BLK: variants seen among roughly 807,000 people sequenced by gnomAD.
BLK encodes BLK proto-oncogene, Src family tyrosine kinase.
In BLK, 64 loss-of-function variants were observed where a neutral mutation model predicts 61.8. The ratio of observed to expected loss-of-function variants is 1.03; its 90% CI spans 0.85 to 1.27. The LOEUF (loss-of-function observed/expected upper bound fraction) is 1.27. Ranked by LOEUF, BLK falls within the 50% of genes most tolerant of loss-of-function variation. BLK has a pLI of 0.00. For synonymous variants in BLK, 351 were observed against 272.0 expected, an observed-to-expected ratio of 1.29 and a Z score of -2.86; for missense variants, 853 against 660.5, an observed-to-expected ratio of 1.29 and a Z score of -3.19.
At chr8:11,561,565 T>C (rs1345135692) in intron 11 of BLK, 113 bp downstream of exon 11, 3 of 1,341,066 alleles carry the variant, frequency 2.2e-6, no homozygotes, top group African/African-American at 1.4e-5. Context: ...CTGAGGGCTA[T>C]ACGGTTTCTA....
At chr8:11,529,360 G>A (rs1036634757) in intron 1 of BLK, among the ~76,000 whole-genome samples, 8 of 152,148 alleles carry the variant, frequency 5.3e-5, no homozygotes, top group East Asian at 3.9e-4. Flanking sequence ...CCAGTGAGTC[G>A]AGAGTGCTGA....
chr8:11,512,031 A>G (rs1563427546), intron 1 of BLK, among the ~76,000 whole-genome samples: 1 of 152,248 alleles, frequency 6.6e-6, no homozygotes, highest in Admixed American at 6.5e-5. Flanking sequence ...CTGCATGTCT[A>G]CAATGTATCA....
At chr8:11,547,478 G>C (rs1019395595) in intron 3 of BLK, among the ~76,000 whole-genome samples, 1 of 152,214 alleles carries the variant, frequency 6.6e-6, no homozygotes, top group African/African-American at 2.4e-5. Flanking sequence ...CTTCCATCCA[G>C]GGCCCGCCAG....
At chr8:11,523,451 G>A (rs547729231) in intron 1 of BLK, among the ~76,000 whole-genome samples, 1 of 152,170 alleles carries the variant, frequency 6.6e-6, no homozygotes, top group African/African-American at 2.4e-5. Flanking sequence ...TACTAGGGAG[G>A]CTGAGGCAGG....
chr8:11,525,701 CAT>C (rs1299365123), intron 1 of BLK, among the ~76,000 whole-genome samples: 1 of 152,186 alleles, frequency 6.6e-6, no homozygotes, highest in African/African-American at 2.4e-5. Flanking sequence ...TGCCACCACT[CAT>C]GTGCCCTCCT....
At chr8:11,550,117 G>A (rs1263079167) in intron 5 of BLK, 42 bp from the exon 6 acceptor site, 2 of 1,551,672 alleles carry the variant, frequency 1.3e-6, no homozygotes, top group South Asian at 1.1e-5. Context: ...ACTCCGAGGA[G>A]CAGGGTCGCT....
intron 1 of BLK, among the ~76,000 whole-genome samples, chr8:11,540,920 G>T (rs567795770): frequency 6.6e-6 from 1 of 151,492 alleles, no homozygotes; most frequent in Non-Finnish European, 1.5e-5. Flanking sequence ...TAATGCTAAT[G>T]CCTCATAGAC....
At chr8:11,524,250 A>C (rs941898138) in intron 1 of BLK, among the ~76,000 whole-genome samples, 1 of 152,200 alleles carries the variant, frequency 6.6e-6, no homozygotes, top group Non-Finnish European at 1.5e-5. Flanking sequence ...CAATATAAAC[A>C]GTTTGGCCCA....
chr8:11,545,126 G>T (rs1800569382), intron 2 of BLK, among the ~76,000 whole-genome samples: 1 of 152,220 alleles, frequency 6.6e-6, no homozygotes. Flanking sequence ...CTGGGGTTGT[G>T]GCTCCGTGTT....
chr8:11,508,571 A>C (rs1251095933), intron 1 of BLK, among the ~76,000 whole-genome samples: 1 of 152,142 alleles, frequency 6.6e-6, no homozygotes, highest in African/African-American at 2.4e-5. Context: ...TCCACTTCTG[A>C]CCACCCTATA....
At chr8:11,495,484 C>T (rs1485910411) in intron 1 of BLK, among the ~76,000 whole-genome samples, 3 of 152,188 alleles carry the variant, frequency 2.0e-5, no homozygotes, top group East Asian at 3.8e-4. Context: ...CCAAGCTTAG[C>T]ATCACCGGGA....
chr8:11,518,443 A>G (rs1252507052), intron 1 of BLK, among the ~76,000 whole-genome samples: 1 of 152,170 alleles, frequency 6.6e-6, no homozygotes. Context: ...GGGGGGCAGA[A>G]GATTTTAATC....
chr8:11,521,107 T>A (rs775395749), intron 1 of BLK, among the ~76,000 whole-genome samples: 8 of 152,134 alleles, frequency 5.3e-5, no homozygotes, highest in Admixed American at 3.3e-4. Flanking sequence ...AGTCCAGAAA[T>A]AGGCCCATGA....
At position 11,494,412 on chromosome 8, in the gene BLK, C is replaced by G. The variant is rs1040860083; in HGVS notation, c.-181C>G. On this transcript the variant is annotated 5_prime_UTR_variant, in exon 1 of 13. Coordinates refer to ENST00000259089, the MANE Select transcript of BLK (RefSeq NM_001715.3). ...AGACCGGGGGTGCTGCCACCTCTGT[C>G]TGCTGCCGGCAGAAAGCCACAAGCC... is the stretch of plus-strand genomic sequence containing the variant. 6.6e-6 allele frequency: 1 copy of G among 152,288 alleles called. No individual in the cohort carries two copies. The highest frequency in any genetic ancestry group is 1.5e-5 in the Non-Finnish European group (1 of 68,088). The allele number at this position is 152,288 out of a possible 1,614,324, so 9.4% of individuals were successfully genotyped here.
chr8:11,560,732 G>C, intron 10 of BLK: 1 of 406,538 alleles, frequency 2.5e-6, no homozygotes, highest in Non-Finnish European at 5.1e-6. Flanking sequence ...CAGGCGCTGG[G>C]TGAGGTTCTT....
Position 11,554,892 on chromosome 8 carries a change from A to T in BLK, c.619+3A>T. The stretch of plus-strand genomic sequence containing the variant: ...GGCCCTGGTGCAGCACTATTCTAGT[A>T]AGAGGGGGCGTGCAATGGGGGCAGG... On this transcript the variant is annotated splice_donor_region_variant and intron_variant, in intron 7 of 12. Coordinates refer to ENST00000259089, the MANE Select transcript of BLK (RefSeq NM_001715.3). 6.2e-7 allele frequency: 1 copy of T among 1,612,586 alleles called. No individual in the cohort carries two copies. Among genetic ancestry groups the T allele is most frequent in the Non-Finnish European group, 8.5e-7 (1 of 1,179,952 alleles).
intron 8 of BLK, chr8:11,555,868 T>C: frequency 2.9e-6 from 1 of 348,936 alleles, no homozygotes; most frequent in Non-Finnish European, 5.6e-6. Flanking sequence ...AGAGCCTGAG[T>C]GCACACCGAG....
intron 1 of BLK, among the ~76,000 whole-genome samples, chr8:11,504,232 G>C (rs1233900733): frequency 1.3e-5 from 2 of 152,004 alleles, no homozygotes; most frequent in African/African-American, 4.8e-5. Context: ...TGAGGTAGGA[G>C]AATTGCTTGA....
At chr8:11,551,591 G>A (rs144986569) in intron 6 of BLK, among the ~76,000 whole-genome samples, 1 of 152,230 alleles carries the variant, frequency 6.6e-6, no homozygotes, top group South Asian at 2.1e-4. Flanking sequence ...ATGTGGTTGA[G>A]GATGGTGAGC....
Sources: gnomAD v4.1 joint callset for allele counts (sites outside exome capture counted in the v4.1 genomes callset) on GRCh38, gnomAD v4.1.1 for gene constraint, MANE v1.5 for transcripts, NCBI Gene and HGNC (gene_info 2026-07-23, HGNC 2026-07-21) for gene names.